Variants in TUBB6 observed in about 807,000 individuals in gnomAD.
The protein encoded by TUBB6 is tubulin beta 6 class V.
A neutral mutation model predicts 32.3 loss-of-function variants in TUBB6; 18 were observed. The ratio of observed to expected loss-of-function variants is 0.56; its 90% CI spans 0.39 to 0.83. The LOEUF (loss-of-function observed/expected upper bound fraction) is 0.83, where lower values mean the gene tolerates loss of function less well. Among genes scored for constraint, TUBB6 ranks in the 40% least tolerant of loss-of-function variants. The pLI is 0.00. For synonymous variants in TUBB6, 280 were observed against 265.8 expected, an observed-to-expected ratio of 1.05 and a Z score of -0.52; for missense variants, 480 against 632.0, an observed-to-expected ratio of 0.76 and a Z score of 2.58.
chr18:12,313,165 G>A (rs1410344203), intron 3 of TUBB6, among the ~76,000 whole-genome samples: 1 of 151,476 alleles, frequency 6.6e-6, no homozygotes, highest in Admixed American at 6.6e-5. Flanking sequence ...AGCATTTCCA[G>A]CAGAATTAGG....
In TUBB6 at chr18:12,308,255, T is replaced by A. The variant is rs1417190547; in HGVS notation, c.-38T>A. Reference sequence around the variant, plus strand: ...AGCCGGCCCGCAGTTGCCGCTGTCGTCCGCAGAGCCAGTTCCTAGCGCAGA... The same window carrying A: ...AGCCGGCCCGCAGTTGCCGCTGTCGACCGCAGAGCCAGTTCCTAGCGCAGA... On this transcript the variant is annotated 5_prime_UTR_variant, in exon 1 of 4. Transcript: ENST00000317702. 4.3e-6 allele frequency: 6 copies of A among 1,386,760 alleles called. No individual in the cohort carries two copies. The highest frequency in any genetic ancestry group is 1.5e-5 in the South Asian group (1 of 66,410). The allele number at this position is 1,386,760 out of a possible 1,614,324, so 85.9% of individuals were successfully genotyped here.
At chr18:12,324,349 G>A (rs1315569599) in intron 3 of TUBB6, among the ~76,000 whole-genome samples, 4 of 151,932 alleles carry the variant, frequency 2.6e-5, no homozygotes, top group African/African-American at 9.7e-5. Flanking sequence ...CAGCCTGGGC[G>A]ACAGAGTGAG....
At chr18:12,329,617 T>C (rs1907452057), downstream of TUBB6, 12 of 1,614,154 alleles carry the variant, frequency 7.4e-6, no homozygotes, top group Non-Finnish European at 1.0e-5. Context: ...TTCCCGCTCC[T>C]TGTTCCAGTC....
intron 1 of TUBB6, 70 bp from the exon 2 acceptor site, chr18:12,308,617 G>T (rs1906148478): frequency 8.4e-7 from 1 of 1,196,680 alleles, no homozygotes; most frequent in Non-Finnish European, 1.2e-6. Context: ...GGCGCCTGGG[G>T]TGGGCGCGGG....
intron 2 of TUBB6, 95 bp downstream of exon 2, chr18:12,308,890 T>C: frequency 1.2e-6 from 1 of 811,440 alleles, no homozygotes; most frequent in Non-Finnish European, 2.1e-6. Context: ...CGGGAAAAGT[T>C]CTCTCGGGGT....
Position 12,308,258 on chromosome 18 carries a change from G to C in TUBB6, c.-35G>C. On this transcript the variant is annotated 5_prime_UTR_variant, in exon 1 of 4. Coordinates refer to ENST00000317702, the MANE Select transcript of TUBB6 (RefSeq NM_032525.3). The stretch of plus-strand genomic sequence containing the variant: ...CGGCCCGCAGTTGCCGCTGTCGTCC[G>C]CAGAGCCAGTTCCTAGCGCAGAGCC... 7.2e-7 allele frequency: 1 copy of C among 1,396,014 alleles called. No individual in the cohort carries two copies. The highest frequency in any genetic ancestry group is 9.4e-7 in the Non-Finnish European group (1 of 1,066,946). The allele number at this position is 1,396,014 out of a possible 1,614,324, so 86.5% of individuals were successfully genotyped here. A position where few individuals can be genotyped will look rare whatever the true frequency, so the allele number is the denominator to read the frequency against.
Position 12,308,334 on chromosome 18 carries a change from C to A in TUBB6, c.42C>A (p.Asn14Lys). 1 of 1,481,336 alleles carries A rather than the reference C, an allele frequency of 6.8e-7. No homozygotes were observed. The allele number at this position is 1,481,336 out of a possible 1,614,324, so 91.8% of individuals were successfully genotyped here. Reference protein sequence around the residue: ...IVHIQAGQCGNQIGTKFWEVI... With the variant: ...IVHIQAGQCGKQIGTKFWEVI... ...ACATCCAGGCGGGCCAGTGCGGGAA[C>A]CAGATCGGCACCAAGGTGGGCCTGG... The change falls in exon 1 of 4, where the codon AAC (asparagine) becomes AAA (lysine). Residue 14 changes from asparagine (N) to lysine (K), a missense_variant. By Grantham distance (94) the Asn-to-Lys change is moderately conservative (BLOSUM62 0). Transcript: ENST00000317702.
chr18:12,327,496 A>T (rs946663278), downstream of TUBB6, among the ~76,000 whole-genome samples: 12 of 152,264 alleles, frequency 7.9e-5, no homozygotes, highest in Admixed American at 6.5e-4. Context: ...TAAACACAGC[A>T]GCATGGCTTG....
At chr18:12,328,644 C>T (rs188254999), downstream of TUBB6, among the ~76,000 whole-genome samples, 5 of 152,364 alleles carry the variant, frequency 3.3e-5, no homozygotes, top group East Asian at 9.6e-4. Flanking sequence ...TATACGTTAA[C>T]TTCTATACCC....
chr18:12,325,754 C>A lies in TUBB6; in HGVS notation c.965C>A (p.Ser322Tyr). 1 of 1,614,230 alleles carries A rather than the reference C, an allele frequency of 6.2e-7. No individual in the cohort carries two copies. The highest frequency in any genetic ancestry group is 8.5e-7 in the Non-Finnish European group (1 of 1,180,044). ...TVATVFRGPM[S>Y]MKEVDEQMLA... ...GCCACCGTGTTCCGCGGGCCCATGT[C>A]CATGAAGGAGGTGGACGAGCAGATG... is the stretch of plus-strand genomic sequence containing the variant. The change falls in exon 4 of 4, where the codon TCC (serine) becomes TAC (tyrosine). Residue 322 changes from serine to tyrosine, a missense_variant. Coordinates refer to ENST00000317702, the MANE Select transcript of TUBB6 (RefSeq NM_032525.3).
At chr18:12,311,074 TTTC>T (rs772274079) in intron 3 of TUBB6, 21 bp downstream of exon 3, 29 of 1,553,358 alleles carry the variant, frequency 1.9e-5, no homozygotes, top group Admixed American at 5.3e-5. Flanking sequence ...TCTTTCTCAC[TTTC>T]TTCTTCTTCT....
intron 3 of TUBB6, 140 bp downstream of exon 3, chr18:12,311,193 C>T: frequency 1.4e-6 from 1 of 704,954 alleles, no homozygotes; most frequent in South Asian, 1.7e-5. Flanking sequence ...CCCTCCCATC[C>T]CTAGCTGGGT....
chr18:12,311,087 T>A (rs1179664969), intron 3 of TUBB6, 34 bp downstream of exon 3: 1 of 1,507,544 alleles, frequency 6.6e-7, no homozygotes, highest in African/African-American at 1.4e-5. Flanking sequence ...CTTCTTCTTC[T>A]TTTATTTTTT....
At chr18:12,329,334 A>C (rs969378273), downstream of TUBB6, 1 of 673,360 alleles carries the variant, frequency 1.5e-6, no homozygotes, top group Non-Finnish European at 2.7e-6. Flanking sequence ...CTGGGAGCCC[A>C]ATGAGGCTAT....
At position 12,326,324 on chromosome 18, in the gene TUBB6, C is replaced by A; in HGVS notation, c.*194C>A. On this transcript the variant is annotated 3_prime_UTR_variant, in exon 4 of 4. Transcript: ENST00000317702. ...AAACAGCAGAGAATTGCGGGTTCTACCCAGTCAGAAGATCACACCATGGAG... is the reference window on the plus strand; with the variant it reads ...AAACAGCAGAGAATTGCGGGTTCTAACCAGTCAGAAGATCACACCATGGAG... 1.2e-6 allele frequency: 1 copy of A among 838,272 alleles called. No individual in the cohort carries two copies. Among genetic ancestry groups the A allele is most frequent in the Non-Finnish European group, 1.8e-6 (1 of 563,910 alleles). 51.9% of individuals were successfully genotyped at this position (838,272 alleles called of 1,614,324 possible).
chr18:12,309,748 G>A (rs1160655942), intron 2 of TUBB6, among the ~76,000 whole-genome samples: 3 of 152,132 alleles, frequency 2.0e-5, no homozygotes, highest in Admixed American at 2.0e-4. Context: ...TGAAGAGCAG[G>A]TCCTATCTGG....
chr18:12,320,275 TATC>T (rs1171956856), intron 3 of TUBB6, among the ~76,000 whole-genome samples: 2 of 151,460 alleles, frequency 1.3e-5, no homozygotes, highest in African/African-American at 4.8e-5. Flanking sequence ...AATATTCACT[TATC>T]ATAAAATAAA....
At position 12,320,319 on chromosome 18, in the gene TUBB6, A is replaced by G. The variant is rs1012994626; in HGVS notation, c.278-4748A>G. Among the ~76,000 whole-genome samples, 13 of 152,352 alleles carry G rather than the reference A, an allele frequency of 8.5e-5. 1 individual carries two copies. Among genetic ancestry groups the G allele is most frequent in the African/African-American group, 3.1e-4 (13 of 41,586 alleles). Reference sequence around the variant, plus strand: ...TAGTTAAAATGTCATAAAGCTAGAAATGAACTCTCTTAGGACCCCATCCTT... The same window carrying G: ...TAGTTAAAATGTCATAAAGCTAGAAGTGAACTCTCTTAGGACCCCATCCTT... On this transcript the variant is annotated intron_variant, in intron 3 of 3. Coordinates refer to ENST00000317702, the MANE Select transcript of TUBB6 (RefSeq NM_032525.3).
chr18:12,317,063 G>A (rs1568122288), intron 3 of TUBB6, among the ~76,000 whole-genome samples: 1 of 151,818 alleles, frequency 6.6e-6, no homozygotes, highest in Admixed American at 6.6e-5. Context: ...GGCTGAGGCA[G>A]GAGAATCACT....
Sources: gnomAD v4.1 joint callset for allele counts (sites outside exome capture counted in the v4.1 genomes callset) on GRCh38, gnomAD v4.1.1 for gene constraint, MANE v1.5 for transcripts, NCBI Gene and HGNC (gene_info 2026-07-23, HGNC 2026-07-21) for gene names.